Variants in ALK observed in about 807,000 individuals in gnomAD.
ALK encodes the protein ALK tyrosine kinase receptor.
Under a neutral mutation model 163.1 loss-of-function variants are expected in ALK, and 74 were observed. That is an observed-to-expected ratio of 0.45 (90% CI 0.38 to 0.55). The LOEUF (loss-of-function observed/expected upper bound fraction) is 0.55. Among genes scored for constraint, ALK ranks in the 20% least tolerant of loss-of-function variants. The probability of loss-of-function intolerance (pLI) is 0.00; values close to 1 mark genes in which losing one functional copy is unlikely to be tolerated. For synonymous variants in ALK, 960 were observed against 843.2 expected (o/e 1.14, Z -2.40); for missense variants, 2,063 against 2,105.3 (o/e 0.98, Z 0.39).
intron 1 of ALK, among the ~76,000 whole-genome samples, chr2:29,728,745 C>T (rs929039357): frequency 1.4e-4 from 22 of 152,098 alleles, no homozygotes; most frequent in African/African-American, 3.1e-4. Flanking sequence ...CAGAACGGAG[C>T]GCCAGCTCCT....
Position 29,396,321 on chromosome 2 carries a change from C to T in ALK, c.1155-12462G>A, listed in dbSNP as rs537402424. On this transcript the variant is annotated intron_variant, in intron 4 of 28. Coordinates refer to ENST00000389048, the MANE Select transcript of ALK (RefSeq NM_004304.5). ...AGAGAAGAACTGAGACCCAAGGACA[C>T]ATCCACCTTCAGCCCGAGGAGGGGT... 2.5e-4 allele frequency among the ~76,000 whole-genome samples: 38 copies of T among 152,340 alleles called. No homozygotes were observed. The Middle Eastern group carries it at 0.014, about 55-fold the overall frequency.
chr2:29,211,128 G>A (rs1429372278), intron 24 of ALK, among the ~76,000 whole-genome samples: 1 of 152,164 alleles, frequency 6.6e-6, no homozygotes, highest in East Asian at 1.9e-4. Context: ...TTAAAAAAAA[G>A]GATCTTGATT....
chr2:29,372,048 A>C (rs1201214559), intron 5 of ALK, among the ~76,000 whole-genome samples: 1 of 152,202 alleles, frequency 6.6e-6, no homozygotes, highest in African/African-American at 2.4e-5. Flanking sequence ...AGTTTAAATT[A>C]AAAAATATTC....
chr2:29,829,500 C>A (rs1224167207), intron 1 of ALK, among the ~76,000 whole-genome samples: 1 of 152,214 alleles, frequency 6.6e-6, no homozygotes, highest in East Asian at 1.9e-4. Context: ...CTCGGTCCTA[C>A]TGCATGTTGC....
chr2:29,803,645 A>C (rs10199404), intron 1 of ALK, among the ~76,000 whole-genome samples: 1,708 of 152,280 alleles, frequency 0.011, 39 homozygotes, highest in African/African-American at 0.039. Context: ...TTTTTATCCT[A>C]CTAAGGAGAA....
chr2:29,313,447 G>C (rs1203966477), intron 8 of ALK, among the ~76,000 whole-genome samples: 46 of 152,154 alleles, frequency 3.0e-4, no homozygotes. Flanking sequence ...GAGAGACGAA[G>C]GGGAGAACTC....
At chr2:29,410,392 C>G (rs562152402) in intron 4 of ALK, among the ~76,000 whole-genome samples, 1 of 152,292 alleles carries the variant, frequency 6.6e-6, no homozygotes, top group Admixed American at 6.5e-5. Flanking sequence ...CAAGTTGTCC[C>G]GCCTTTCTAG....
At chr2:29,778,971 T>C (rs1228536423) in intron 1 of ALK, among the ~76,000 whole-genome samples, 3 of 151,708 alleles carry the variant, frequency 2.0e-5, no homozygotes, top group Non-Finnish European at 2.9e-5. Flanking sequence ...CTGGCTAACA[T>C]GGTGAAACCC....
intron 3 of ALK, among the ~76,000 whole-genome samples, chr2:29,655,272 A>G (rs1677153829): frequency 6.6e-6 from 1 of 152,164 alleles, no homozygotes; most frequent in Non-Finnish European, 1.5e-5. Context: ...GGTGACATTA[A>G]CAAACTAAGG....
intron 3 of ALK, among the ~76,000 whole-genome samples, chr2:29,569,245 G>T (rs1359221868): frequency 3.9e-5 from 6 of 152,114 alleles, no homozygotes; most frequent in Non-Finnish European, 5.9e-5. Context: ...CTTAGAGCAT[G>T]GGGTTGGAAA....
At chr2:29,548,757 C>CA (rs1673636494) in intron 3 of ALK, among the ~76,000 whole-genome samples, 1 of 151,998 alleles carries the variant, frequency 6.6e-6, no homozygotes, top group African/African-American at 2.4e-5. Context: ...TAATATTTAA[C>CA]AAAAAAGTGG....
At chr2:29,230,507 T>C (rs1368474574) in intron 15 of ALK, among the ~76,000 whole-genome samples, 1 of 152,162 alleles carries the variant, frequency 6.6e-6, no homozygotes, top group Admixed American at 6.5e-5. Flanking sequence ...CTGGCAGGGT[T>C]TCTGGAAGCA....
chr2:29,386,110 G>C (rs1294092193), intron 4 of ALK, among the ~76,000 whole-genome samples: 2 of 152,220 alleles, frequency 1.3e-5, no homozygotes, highest in African/African-American at 4.8e-5. Flanking sequence ...GGTGCTCCTG[G>C]ATGGTAGCTT....
chr2:29,333,212 T>C (rs562514033), intron 5 of ALK, among the ~76,000 whole-genome samples: 1 of 152,236 alleles, frequency 6.6e-6, no homozygotes, highest in East Asian at 1.9e-4. Flanking sequence ...GCCTCCTGGG[T>C]TGAAGTGATT....
chr2:29,902,334 C>A (rs1328179562), intron 1 of ALK, among the ~76,000 whole-genome samples: 1 of 152,146 alleles, frequency 6.6e-6, no homozygotes, highest in Admixed American at 6.5e-5. Flanking sequence ...CCCCTTGTGC[C>A]AAGGCCTGTG....
At chr2:29,444,384 G>A (rs1670619820) in intron 4 of ALK, among the ~76,000 whole-genome samples, 1 of 152,148 alleles carries the variant, frequency 6.6e-6, no homozygotes, top group African/African-American at 2.4e-5. Flanking sequence ...GTGCTCACTG[G>A]GCATCATGAA....
intron 1 of ALK, among the ~76,000 whole-genome samples, chr2:29,719,552 C>T (rs987540012): frequency 4.6e-5 from 7 of 152,194 alleles, no homozygotes; most frequent in Non-Finnish European, 8.8e-5. Flanking sequence ...CACATATGGA[C>T]CGGTATGATG....
intron 2 of ALK, among the ~76,000 whole-genome samples, chr2:29,703,527 A>C (rs189222044): frequency 1.3e-5 from 2 of 152,324 alleles, no homozygotes; most frequent in East Asian, 3.9e-4. Context: ...AGAACTGCTG[A>C]AAGGGCTTAA....
At chr2:29,281,247 A>G (rs1336068216) in intron 9 of ALK, among the ~76,000 whole-genome samples, 2 of 152,160 alleles carry the variant, frequency 1.3e-5, no homozygotes, top group African/African-American at 2.4e-5. Context: ...CATCCTAGAG[A>G]ACATAGTTAC....
Sources: gnomAD v4.1 joint callset for allele counts (sites outside exome capture counted in the v4.1 genomes callset) on GRCh38, gnomAD v4.1.1 for gene constraint, MANE v1.5 for transcripts, NCBI Gene and HGNC (gene_info 2026-07-23, HGNC 2026-07-21) for gene names.